The following CHN1 variants were observed in gnomAD, a reference collection of about 807,000 sequenced individuals.
CHN1 encodes the protein N-chimaerin.
CHN1 carries 37 observed loss-of-function variants against 59.5 expected under a neutral mutation model. That is an observed-to-expected ratio of 0.62 (90% CI 0.48 to 0.82). CHN1 has a LOEUF of 0.82. Among genes scored for constraint, CHN1 ranks in the 40% least tolerant of loss-of-function variants. The probability of loss-of-function intolerance (pLI) is 0.00; values close to 1 mark genes in which losing one functional copy is unlikely to be tolerated. For missense variants in CHN1, 469 were observed against 571.0 expected, an observed-to-expected ratio of 0.82 and a Z score of 1.82; for synonymous variants, 206 against 200.4, an observed-to-expected ratio of 1.03 and a Z score of -0.24.
intron 4 of CHN1, among the ~76,000 whole-genome samples, chr2:174,917,162 G>C (rs1218689102): frequency 6.6e-6 from 1 of 152,182 alleles, no homozygotes; most frequent in African/African-American, 2.4e-5. Context: ...TCCAGGTGCG[G>C]TGGCTCACGC....
At chr2:175,000,664 G>A (rs6717917) in intron 1 of CHN1, among the ~76,000 whole-genome samples, 5,304 of 152,094 alleles carry the variant, frequency 0.035, 347 homozygotes, top group African/African-American at 0.12. Flanking sequence ...GGCTGGTCTC[G>A]AACTCCTGAC....
intron 1 of CHN1, among the ~76,000 whole-genome samples, chr2:174,997,859 G>A (rs1167188821): frequency 6.6e-6 from 1 of 151,590 alleles, no homozygotes; most frequent in Non-Finnish European, 1.5e-5. Context: ...AATTAGCTGG[G>A]TGTGGTAGTC....
chr2:174,960,561 G>A (rs182712276), intron 1 of CHN1, among the ~76,000 whole-genome samples: 25 of 152,276 alleles, frequency 1.6e-4, no homozygotes, highest in African/African-American at 5.8e-4. Context: ...ACACAGCTGG[G>A]GCCGGGCACG....
chr2:174,849,143 TC>T (rs1383499301), intron 6 of CHN1, among the ~76,000 whole-genome samples: 1 of 152,214 alleles, frequency 6.6e-6, no homozygotes, highest in African/African-American at 2.4e-5. Context: ...AGCATCTTTT[TC>T]TTGAGTATTT....
At chr2:174,821,585 C>T (rs945251088) in intron 8 of CHN1, 54 of 200,846 alleles carry the variant, frequency 2.7e-4, no homozygotes, top group South Asian at 2.6e-3. Flanking sequence ...TGGGATTAGG[C>T]GCTCTTATAA....
intron 2 of CHN1, among the ~76,000 whole-genome samples, chr2:174,945,454 T>C (rs1290178100): frequency 6.6e-6 from 1 of 152,186 alleles, no homozygotes; most frequent in Non-Finnish European, 1.5e-5. Flanking sequence ...TTACCACTGC[T>C]TATTCAACTA....
intron 3 of CHN1, among the ~76,000 whole-genome samples, chr2:174,935,854 G>A (rs1484672522): frequency 6.6e-6 from 1 of 152,092 alleles, no homozygotes; most frequent in Non-Finnish European, 1.5e-5. Flanking sequence ...GATCACTTGA[G>A]CCTGGCAATG....
chr2:174,992,380 AG>A (rs1413620703), intron 1 of CHN1, among the ~76,000 whole-genome samples: 3 of 152,230 alleles, frequency 2.0e-5, no homozygotes, highest in African/African-American at 7.2e-5. Context: ...AAAAGAGAAA[AG>A]AAGGTCAGTT....
Position 174,877,911 on chromosome 2 carries a change from G to GT in CHN1, c.477dup (p.His160ThrfsTer10). 1 of 1,613,828 alleles carries GT rather than the reference G, an allele frequency of 6.2e-7. No homozygotes were observed. On this transcript the variant is annotated frameshift_variant, in exon 6 of 13. Transcript: ENST00000409900. LOFTEE classifies it high-confidence loss of function. ...TGTGTCTCTTTCAGGACTGGCATAT[G>GT]TTTTTTGTATGCTGGCTCTCTGTTT... is the stretch of plus-strand genomic sequence containing the variant.
chr2:174,872,089 T>C (rs1687427386), intron 6 of CHN1, among the ~76,000 whole-genome samples: 1 of 152,056 alleles, frequency 6.6e-6, no homozygotes, highest in African/African-American at 2.4e-5. Flanking sequence ...TGAGACCAGC[T>C]TGGGCAACAT....
intron 8 of CHN1, 93 bp downstream of exon 8, chr2:174,824,341 C>T: frequency 1.1e-6 from 1 of 889,068 alleles, no homozygotes; most frequent in South Asian, 1.8e-5. Flanking sequence ...CAGGATCCAG[C>T]CTACTGGATA....
chr2:174,841,362 G>A (rs1686295463), intron 7 of CHN1, among the ~76,000 whole-genome samples: 1 of 152,192 alleles, frequency 6.6e-6, no homozygotes, highest in Non-Finnish European at 1.5e-5. Context: ...GGCAGAAGTG[G>A]AAAGCAGAGC....
intron 3 of CHN1, among the ~76,000 whole-genome samples, chr2:174,928,632 C>T (rs1474598802): frequency 6.6e-6 from 1 of 152,078 alleles, no homozygotes; most frequent in South Asian, 2.1e-4. Flanking sequence ...ACTGAACCTT[C>T]GCTGGACAAG....
intron 7 of CHN1, among the ~76,000 whole-genome samples, chr2:174,827,703 T>C (rs150267849): frequency 1.8e-3 from 279 of 152,216 alleles, no homozygotes; most frequent in Non-Finnish European, 2.7e-3. Context: ...GGAGCTGAAC[T>C]CGGGCAGTGG....
intron 4 of CHN1, among the ~76,000 whole-genome samples, chr2:174,917,189 T>C (rs1688871673): frequency 1.3e-5 from 2 of 152,022 alleles, no homozygotes; most frequent in South Asian, 4.2e-4. Context: ...TCCCAACACT[T>C]TGGGAAGCTG....
At chr2:174,932,315 C>T (rs1357665066) in intron 3 of CHN1, among the ~76,000 whole-genome samples, 2 of 152,154 alleles carry the variant, frequency 1.3e-5, no homozygotes, top group Non-Finnish European at 2.9e-5. Context: ...TGTAGATATA[C>T]CATCTCCTTG....
intron 2 of CHN1, chr2:174,945,213 A>ATC: frequency 2.1e-6 from 1 of 478,630 alleles, no homozygotes. Flanking sequence ...GTTCTCCATA[A>ATC]TCTGGTCATT....
chr2:174,852,164 C>T (rs536157491), intron 6 of CHN1, among the ~76,000 whole-genome samples: 10 of 152,000 alleles, frequency 6.6e-5, no homozygotes, highest in African/African-American at 2.2e-4. Flanking sequence ...TGGCAGGCAC[C>T]TGTAACCTCA....
intron 5 of CHN1, among the ~76,000 whole-genome samples, chr2:174,892,090 A>G (rs969367366): frequency 1.3e-5 from 2 of 152,242 alleles, no homozygotes; most frequent in Admixed American, 6.5e-5. Context: ...TAGCAAGGAC[A>G]TCGAATCAGC....
Sources: gnomAD v4.1 joint callset for allele counts (sites outside exome capture counted in the v4.1 genomes callset) on GRCh38, gnomAD v4.1.1 for gene constraint, MANE v1.5 for transcripts, NCBI Gene and HGNC (gene_info 2026-07-23, HGNC 2026-07-21) for gene names.